The following PAF1 variants were observed in gnomAD, a reference collection of about 807,000 sequenced individuals.
The protein encoded by PAF1 is RNA polymerase II-associated factor 1 homolog.
In PAF1, 31 loss-of-function variants were observed where a neutral mutation model predicts 68.4. That is an observed-to-expected ratio of 0.45 (90% CI 0.34 to 0.61). PAF1 has a LOEUF of 0.61. Ranked by LOEUF, PAF1 falls within the 20% of genes least tolerant of loss-of-function variation. PAF1 has a pLI of 0.01. For missense variants in PAF1, 435 were observed against 692.9 expected, an observed-to-expected ratio of 0.63 and a Z score of 4.18; for synonymous variants, 256 against 240.5, an observed-to-expected ratio of 1.06 and a Z score of -0.60.
chr19:39,388,806 C>G lies in PAF1; in HGVS notation c.696G>C (p.Thr232=). Residue 232 remains threonine, a synonymous_variant, in exon 9 of 14, where the codon ACG becomes ACC. Transcript: ENST00000221265. The stretch of plus-strand genomic sequence containing the variant: ...TCATCTCCAACGCAGCTGCACCACT[C>G]GTGTCCTTGGGGGCTGGGTCTGAGT... ...IFDSDPAPKD[T]SGAAALEMMS... 1 of 1,614,192 alleles carries G rather than the reference C, an allele frequency of 6.2e-7. No individual in the cohort carries two copies. Among genetic ancestry groups the G allele is most frequent in the Non-Finnish European group, 8.5e-7 (1 of 1,180,034 alleles).
Position 39,388,541 on chromosome 19 carries a change from T to C in PAF1, c.857+19A>G, listed in dbSNP as rs776916791. 5 of 1,613,768 alleles carry C rather than the reference T, an allele frequency of 3.1e-6. No homozygotes were observed. The South Asian group carries it at 4.4e-5, about 14-fold the overall frequency. On this transcript the variant is annotated intron_variant, in intron 10 of 13. Transcript: ENST00000221265. The stretch of plus-strand genomic sequence containing the variant: ...CCCAAAACTTCCCAATCCCCAAAAC[T>C]TAACCGCAACCCACGCACACATCAT...
chr19:39,386,322 T>C lies in PAF1; in HGVS notation c.1265A>G (p.Glu422Gly). Residue 422 changes from glutamate (E) to glycine (G), a missense_variant, in exon 14 of 14, where the codon GAA (glutamate) becomes GGA (glycine). Glu to Gly is a moderately conservative substitution (Grantham distance 98). Around this residue, in one of 7 missense-constraint regions of PAF1, gnomAD observed 78 missense variants for 80.6 expected, o/e 0.97. Coordinates refer to ENST00000221265, the MANE Select transcript of PAF1 (RefSeq NM_019088.4). The surrounding 1 kb of genome is among the most constrained non-coding windows in gnomAD (Gnocchi z 6.1). ...GTCACTGGCCTCGTCCCTGTCACCTTCCTCCCGTTCACTCTCGCTGCCCGA... is the reference window on the plus strand; with the variant it reads ...GTCACTGGCCTCGTCCCTGTCACCTCCCTCCCGTTCACTCTCGCTGCCCGA... ...EHSGSESERE[E>G]GDRDEASDKS... 1 of 1,614,026 alleles carries C rather than the reference T, an allele frequency of 6.2e-7. No individual in the cohort carries two copies. Among genetic ancestry groups the C allele is most frequent in the South Asian group, 1.1e-5 (1 of 91,068 alleles).
Position 39,390,696 on chromosome 19 carries a change from C to T in PAF1, c.47+122G>A, listed in dbSNP as rs1201327471. The T allele has an allele frequency of 4.2e-5, 44 of 1,040,902 alleles. No individual in the cohort carries two copies. In the South Asian group the frequency reaches 4.9e-4, roughly 12 times the overall value. The allele number at this position is 1,040,902 out of a possible 1,614,324, so 64.5% of individuals were successfully genotyped here. A position where few individuals can be genotyped will look rare whatever the true frequency, so the allele number is the denominator to read the frequency against. On this transcript the variant is annotated intron_variant, in intron 1 of 13. Transcript: ENST00000221265. ...CACCTGAATCTCAGAAGGAACCCGC[C>T]CCCTTCGTCAAAGGTGAGCGCTTCA...
chr19:39,389,048 C>T lies in PAF1; in HGVS notation c.568-33G>A. The stretch of plus-strand genomic sequence containing the variant: ...AACAAAAACAAGGTGAGGAGGAGCT[C>T]TGCAGCCGCACCCTTGCCTCTCCCC... On this transcript the variant is annotated intron_variant, in intron 7 of 13. Transcript: ENST00000221265. The surrounding 1 kb of genome is among the most constrained non-coding windows in gnomAD (Gnocchi z 5.3). The T allele has an allele frequency of 6.2e-7, 1 of 1,613,096 alleles. No homozygotes were observed. The highest frequency in any genetic ancestry group is 8.5e-7 in the Non-Finnish European group (1 of 1,179,076).
rs1250139996 is a variant in PAF1 at position 39,386,481 on chromosome 19, C to T, written c.1183+1G>A. 6.2e-7 allele frequency: 1 copy of T among 1,614,184 alleles called. No homozygotes were observed. The highest frequency in any genetic ancestry group is 1.1e-5 in the South Asian group (1 of 91,082). On this transcript the variant is annotated splice_donor_variant, in intron 13 of 13. Coordinates refer to ENST00000221265, the MANE Select transcript of PAF1 (RefSeq NM_019088.4). LOFTEE classifies it high-confidence loss of function. This position sits in a 1 kb window ranked among gnomAD's most constrained non-coding sequence, Gnocchi z 6.1. ...CCAGAGTCTGGCCTGTCCAGATTTACCTGAGCCCCCAGCTTCTTTCTCTTC... is the reference window on the plus strand; with the variant it reads ...CCAGAGTCTGGCCTGTCCAGATTTATCTGAGCCCCCAGCTTCTTTCTCTTC...
intron 11 of PAF1, among the ~76,000 whole-genome samples, chr19:39,387,998 G>T (rs993589627): frequency 3.1e-4 from 47 of 152,124 alleles, no homozygotes; most frequent in Non-Finnish European, 1.3e-4. Flanking sequence ...AAAATTAGCT[G>T]GCCATGCTGG....
In PAF1 at chr19:39,388,661, C is replaced by G; in HGVS notation, c.756G>C (p.Glu252Asp). 6.2e-7 allele frequency: 1 copy of G among 1,614,158 alleles called. No individual in the cohort carries two copies. The highest frequency in any genetic ancestry group is 8.5e-7 in the Non-Finnish European group (1 of 1,180,000). Reference protein sequence around the residue: ...SQAMIRGMMDEEGNQFVAYFL... With the variant: ...SQAMIRGMMDDEGNQFVAYFL... Reference sequence around the variant, plus strand: ...AATAGGCCACAAACTGGTTCCCTTCCTCATCCATCATGCCCCTGGTTGGGG... The same window carrying G: ...AATAGGCCACAAACTGGTTCCCTTCGTCATCCATCATGCCCCTGGTTGGGG... Residue 252 changes from glutamate to aspartate, a missense_variant, in exon 10 of 14, where the codon GAG becomes GAC. Around this residue, in one of 7 missense-constraint regions of PAF1, gnomAD observed 151 missense variants for 306.3 expected, o/e 0.49. Transcript: ENST00000221265.
rs753613265 is a variant in PAF1, at chr19:39,388,848, A to G, written c.654T>C (p.Cys218=). Residue 218 remains cysteine, a synonymous_variant, in exon 9 of 14, where the codon TGT becomes TGC. Transcript: ENST00000221265. ...GGTCTGAGTCAAAGATCACCTGAGC[A>G]CATGGATTGATCCACATCTAGGGAG... The part of the protein sequence containing the change: ...FPDFKMWINP[C]AQVIFDSDPA... 9 of 1,614,170 alleles carry G rather than the reference A, an allele frequency of 5.6e-6. No individual in the cohort carries two copies. The South Asian group carries it at 6.6e-5, about 12-fold the overall frequency.
Position 39,390,983 on chromosome 19 carries a change from C to T in PAF1, c.-119G>A, listed in dbSNP as rs1431390449. 9.6e-7 allele frequency: 1 copy of T among 1,046,396 alleles called. No homozygotes were observed. The highest frequency in any genetic ancestry group is 2.6e-5 in the East Asian group (1 of 38,146). 64.8% of individuals were successfully genotyped at this position (1,046,396 alleles called of 1,614,324 possible). ...GAAGGCCCAGCTTGGCGCCGCTCCC[C>T]GCGGAAAGTGGGTTGAGATGAGGTG... On this transcript the variant is annotated 5_prime_UTR_variant, in exon 1 of 14. Transcript: ENST00000221265.
In PAF1 at chr19:39,390,134, G is replaced by A; in HGVS notation, c.105C>T (p.Tyr35=). 1.2e-6 allele frequency: 2 copies of A among 1,614,098 alleles called. No homozygotes were observed. Among genetic ancestry groups the A allele is most frequent in the Non-Finnish European group, 1.7e-6 (2 of 1,179,970 alleles). The change falls in exon 3 of 14, where the codon TAC becomes TAT. Residue 35 remains tyrosine (Y), a synonymous_variant. Coordinates refer to ENST00000221265, the MANE Select transcript of PAF1 (RefSeq NM_019088.4). ...ERSGVVCRVK[Y]CNSLPDIPFD... is the part of the protein sequence containing the mutation. ...AGGGGATATCAGGGAGGCTATTGCA[G>A]TACTTGACTCGGCAGACCACTCCAG...
In PAF1 at chr19:39,388,146, A is replaced by G. The variant is rs570647401; in HGVS notation, c.986+193T>C. Among the ~76,000 whole-genome samples the G allele has an allele frequency of 3.3e-5, 5 of 152,332 alleles. No individual in the cohort carries two copies. The East Asian group carries it at 9.6e-4, about 29-fold the overall frequency. On this transcript the variant is annotated intron_variant, in intron 11 of 13. Coordinates refer to ENST00000221265, the MANE Select transcript of PAF1 (RefSeq NM_019088.4). ...ACAGAGCGAGACTCCATCTCAAAAA[A>G]AAAGATTTTTTTTCTGGCTCCTCCT...
At position 39,390,243 on chromosome 19, in the gene PAF1, A is replaced by G. The variant is rs771320178; in HGVS notation, c.77+17T>C. 2 of 1,613,850 alleles carry G rather than the reference A, an allele frequency of 1.2e-6. No homozygotes were observed. Among genetic ancestry groups the G allele is most frequent in the Non-Finnish European group, 1.7e-6 (2 of 1,179,838 alleles). ...CCCACTGCCCCACCGCTCCTGGGAA[A>G]GCACAGTGGGGCTCACCTCTCAGGC... On this transcript the variant is annotated intron_variant, in intron 2 of 13. Transcript: ENST00000221265.
chr19:39,389,070 C>T lies in PAF1; in HGVS notation c.567+23G>A. ...GCTCTGCAGCCGCACCCTTGCCTCT[C>T]CCCATCCCAGTCCCTCAATTACTGA... is the stretch of plus-strand genomic sequence containing the variant. On this transcript the variant is annotated intron_variant, in intron 7 of 13. Transcript: ENST00000221265. The surrounding 1 kb of genome is among the most constrained non-coding windows in gnomAD (Gnocchi z 5.3). The T allele has an allele frequency of 1.9e-6, 3 of 1,612,034 alleles. No homozygotes were observed. The highest frequency in any genetic ancestry group is 1.1e-5 in the South Asian group (1 of 91,030).
chr19:39,386,334 C>G lies in PAF1; in HGVS notation c.1253G>C (p.Ser418Thr). ...GTCCCTGTCACCTTCCTCCCGTTCA[C>G]TCTCGCTGCCCGAGTGCTCATCTTC... ...GSEDEHSGSE[S>T]EREEGDRDEA... Residue 418 changes from serine to threonine, a missense_variant, in exon 14 of 14, where the codon AGT (serine) becomes ACT (threonine). This residue lies in a region of PAF1 where 78 missense variants were observed against 80.6 expected (regional missense o/e 0.97). Transcript: ENST00000221265. This position sits in a 1 kb window ranked among gnomAD's most constrained non-coding sequence, Gnocchi z 6.1. 1 of 1,614,202 alleles carries G rather than the reference C, an allele frequency of 6.2e-7. No homozygotes were observed. The highest frequency in any genetic ancestry group is 8.5e-7 in the Non-Finnish European group (1 of 1,180,030).
At position 39,389,398 on chromosome 19, in the gene PAF1, C is replaced by G. The variant is rs1283643894; in HGVS notation, c.360-15G>C. 1.2e-6 allele frequency: 2 copies of G among 1,613,390 alleles called. No homozygotes were observed. Among genetic ancestry groups the G allele is most frequent in the Non-Finnish European group, 1.7e-6 (2 of 1,179,470 alleles). Reference sequence around the variant, plus strand: ...GCTGCTGGGATCTGGGGTGGGAAATCAGGTATCTCAGGACCCCACTGCCCT... The same window carrying G: ...GCTGCTGGGATCTGGGGTGGGAAATGAGGTATCTCAGGACCCCACTGCCCT... On this transcript the variant is annotated splice_polypyrimidine_tract_variant and intron_variant, in intron 5 of 13. Coordinates refer to ENST00000221265, the MANE Select transcript of PAF1 (RefSeq NM_019088.4). The surrounding 1 kb of genome is among the most constrained non-coding windows in gnomAD (Gnocchi z 5.3).
intron 3 of PAF1, 40 bp downstream of exon 3, chr19:39,390,029 G>GA (rs1568375260): frequency 6.7e-7 from 1 of 1,491,882 alleles, no homozygotes; most frequent in Non-Finnish European, 9.4e-7. Flanking sequence ...TGCCTTCAAG[G>GA]AACTCATACC....
Position 39,386,192 on chromosome 19 carries a change from G to A in PAF1, c.1395C>T (p.Asp465=). The A allele has an allele frequency of 1.9e-6, 3 of 1,614,154 alleles. No homozygotes were observed. The highest frequency in any genetic ancestry group is 1.7e-6 in the Non-Finnish European group (2 of 1,180,022). Residue 465 remains aspartate (D), a synonymous_variant, in exon 14 of 14, where the codon GAC becomes GAT. Transcript: ENST00000221265. The surrounding 1 kb of genome is among the most constrained non-coding windows in gnomAD (Gnocchi z 6.1). ...CCTGTCCTCTGTCCTCATCATCAGA[G>A]TCGGCATCGTCCTCAGAATCAGCAT... ...GSDADSEDDA[D]SDDEDRGQAQ...
rs1361733747 is a variant in PAF1, at chr19:39,388,372, C to T, written c.953G>A (p.Gly318Asp). 2 of 1,614,082 alleles carry T rather than the reference C, an allele frequency of 1.2e-6. No individual in the cohort carries two copies. The highest frequency in any genetic ancestry group is 2.2e-5 in the East Asian group (1 of 44,888). ...EENYFFIFRE[G>D]DGVYYNELET... ...CAACTCATTGTAGTAAACCCCGTCA[C>T]CCTCTCGGAAGATGAAGAAGTAGTT... is the stretch of plus-strand genomic sequence containing the variant. Residue 318 changes from glycine to aspartate, a missense_variant, in exon 11 of 14, where the codon GGT becomes GAT. Gly to Asp is a moderately conservative substitution (Grantham distance 94). This residue lies in a region of PAF1 where 151 missense variants were observed against 306.3 expected (regional missense o/e 0.49). Transcript: ENST00000221265.
At position 39,386,201 on chromosome 19, in the gene PAF1, G is replaced by A. The variant is rs777154167; in HGVS notation, c.1386C>T (p.Asp462=). 48 of 1,613,968 alleles carry A rather than the reference G, an allele frequency of 3.0e-5. No homozygotes were observed. The highest frequency in any genetic ancestry group is 1.4e-4 in the South Asian group (13 of 91,078). ...TGTCCTCATCATCAGAGTCGGCATC[G>A]TCCTCAGAATCAGCATCACTGCCAA... ...EIFGSDADSE[D]DADSDDEDRG... is the part of the protein sequence containing the mutation. Residue 462 remains aspartate (D), a synonymous_variant, in exon 14 of 14, where the codon GAC becomes GAT. Transcript: ENST00000221265. The surrounding 1 kb of genome is among the most constrained non-coding windows in gnomAD (Gnocchi z 6.1).
Sources: allele counts gnomAD v4.1 joint callset (sites outside exome capture counted in the v4.1 genomes callset), GRCh38; gene constraint gnomAD v4.1.1; regional missense constraint gnomAD v4.1.1; non-coding constraint Gnocchi (gnomAD v3.1); transcripts MANE v1.5; gene names NCBI Gene and HGNC (gene_info 2026-07-23, HGNC 2026-07-21).